The following UNC13B variants were observed in gnomAD, a reference collection of about 807,000 sequenced individuals.
UNC13B encodes unc-13 homolog B.
UNC13B carries 144 observed loss-of-function variants against 211.0 expected under a neutral mutation model. The observed-to-expected ratio is 0.68, with a 90% CI of 0.60 to 0.78. UNC13B has a LOEUF of 0.78. Ranked by LOEUF, UNC13B falls within the 30% of genes least tolerant of loss-of-function variation. UNC13B has a pLI of 0.00. For synonymous variants in UNC13B, 709 were observed against 725.8 expected (o/e 0.98, Z 0.37); for missense variants, 1,777 against 2,002.0 (o/e 0.89, Z 2.14).
intron 6 of UNC13B, among the ~76,000 whole-genome samples, chr9:35,254,744 A>G (rs1826718640): frequency 6.7e-6 from 1 of 150,358 alleles, no homozygotes; most frequent in Admixed American, 6.7e-5. Context: ...ATCAACTCTT[A>G]TTATTAATAG....
chr9:35,225,114 C>G (rs766074831), intron 1 of UNC13B, among the ~76,000 whole-genome samples: 61 of 152,144 alleles, frequency 4.0e-4, no homozygotes, highest in Non-Finnish European at 7.2e-4. Context: ...AGCCTTTCCT[C>G]TAAGAACTGG....
Position 35,237,759 on chromosome 9 carries a change from G to A in UNC13B, c.327G>A (p.Glu109=). 6.2e-7 allele frequency: 1 copy of A among 1,613,994 alleles called. No homozygotes were observed. ...CAGAGACGTTAATGAAAGACGATGA[G>A]ATCTGTGGAACTAGAAACCCAACTC... is the stretch of plus-strand genomic sequence containing the variant. The part of the protein sequence containing the change: ...LEAETLMKDD[E]ICGTRNPTPH... Residue 109 remains glutamate (E), a synonymous_variant, in exon 5 of 40, where the codon GAG becomes GAA. Coordinates refer to ENST00000635942, the MANE Select transcript of UNC13B (RefSeq NM_001371189.2).
intron 1 of UNC13B, among the ~76,000 whole-genome samples, chr9:35,199,040 G>A (rs906379839): frequency 6.6e-6 from 1 of 152,056 alleles, no homozygotes; most frequent in Non-Finnish European, 1.5e-5. Flanking sequence ...GCCCCAGTGT[G>A]TGATGTTCCC....
rs550282450 is a variant in UNC13B at position 35,318,797 on chromosome 9, A to T, written c.9414+4808A>T. Among the ~76,000 whole-genome samples, 6 of 152,320 alleles carry T rather than the reference A, an allele frequency of 3.9e-5. No homozygotes were observed. In the South Asian group the frequency reaches 1.2e-3, roughly 32 times the overall value. ...GTATACCAAGGGGATATGCATTTAT[A>T]ATTTTGATAAATATTGCCAAATTGC... On this transcript the variant is annotated intron_variant, in intron 11 of 39. Coordinates refer to ENST00000635942, the MANE Select transcript of UNC13B (RefSeq NM_001371189.2).
At chr9:35,364,715 G>T in intron 11 of UNC13B, 1 of 979,376 alleles carries the variant, frequency 1.0e-6, no homozygotes, top group Non-Finnish European at 1.4e-6. Context: ...GGCTCATGCA[G>T]TCTATTTTTC....
chr9:35,399,653 A>G lies in UNC13B; in HGVS notation c.12260A>G (p.His4087Arg), dbSNP rs199676393. The change falls in exon 36 of 40, where the codon CAC becomes CGC. Residue 4087 changes from histidine to arginine, a missense_variant. Transcript: ENST00000635942. ...GCTGCTGATTTCTCTGAACAGGATC[A>G]CATGGTACGAGAGGAAACACGGAAT... Reference protein sequence around the residue: ...ELSHLSKLKDHMVREETRNLT... With the variant: ...ELSHLSKLKDRMVREETRNLT... 4.6e-5 allele frequency: 75 copies of G among 1,614,056 alleles called. No homozygotes were observed. Among genetic ancestry groups the G allele is most frequent in the Non-Finnish European group, 8.5e-7 (1 of 1,180,034 alleles).
chr9:35,322,502 C>T (rs1159321205), intron 11 of UNC13B, among the ~76,000 whole-genome samples: 1 of 151,982 alleles, frequency 6.6e-6, no homozygotes, highest in Non-Finnish European at 1.5e-5. Flanking sequence ...GATGAGAAGG[C>T]CTGGGTTTAA....
chr9:35,265,337 C>A (rs932982055), intron 7 of UNC13B, among the ~76,000 whole-genome samples: 2 of 152,210 alleles, frequency 1.3e-5, no homozygotes, highest in African/African-American at 4.8e-5. Flanking sequence ...CTTGCTCTCT[C>A]CACCATGTGA....
At chr9:35,231,582 C>T (rs1825207272) in intron 3 of UNC13B, among the ~76,000 whole-genome samples, 1 of 152,090 alleles carries the variant, frequency 6.6e-6, no homozygotes, top group African/African-American at 2.4e-5. Flanking sequence ...CTTCATCTTT[C>T]TTTGATTCTG....
intron 5 of UNC13B, 52 bp from the exon 6 acceptor site, chr9:35,243,239 T>TTA: frequency 6.4e-7 from 1 of 1,567,634 alleles, no homozygotes; most frequent in Non-Finnish European, 8.8e-7. Flanking sequence ...TGCTGATGAT[T>TTA]TATTACCTGC....
intron 6 of UNC13B, among the ~76,000 whole-genome samples, chr9:35,248,647 T>C (rs1347633409): frequency 6.6e-6 from 1 of 152,234 alleles, no homozygotes; most frequent in Non-Finnish European, 1.5e-5. Flanking sequence ...TTGTTGAGTT[T>C]CCATGTAGTT....
Position 35,295,870 on chromosome 9 carries a change from A to T in UNC13B, c.701A>T (p.Asp234Val), listed in dbSNP as rs776800953. The T allele has an allele frequency of 6.2e-7, 1 of 1,613,520 alleles. No homozygotes were observed. The highest frequency in any genetic ancestry group is 8.5e-7 in the Non-Finnish European group (1 of 1,179,880). Residue 234 changes from aspartate to valine, a missense_variant, in exon 8 of 40, where the codon GAC becomes GTC. By Grantham distance (152) the Asp-to-Val change is radical. Transcript: ENST00000635942. ...CTGCTACTTCAAGGCAGTTCCCGGGACTCTTGTAATGACTCTATGCAAAGT... is the reference window on the plus strand; with the variant it reads ...CTGCTACTTCAAGGCAGTTCCCGGGTCTCTTGTAATGACTCTATGCAAAGT... Reference protein sequence around the residue: ...QQLLLQGSSRDSCNDSMQSYD... With the variant: ...QQLLLQGSSRVSCNDSMQSYD...
At chr9:35,175,833 A>G (rs1373432450) in intron 1 of UNC13B, among the ~76,000 whole-genome samples, 2 of 145,666 alleles carry the variant, frequency 1.4e-5, no homozygotes, top group African/African-American at 5.1e-5. Context: ...TCTGGCCAAC[A>G]TGGTGAAACC....
intron 11 of UNC13B, chr9:35,353,798 G>A (rs1455884809): frequency 1.1e-5 from 13 of 1,231,742 alleles, no homozygotes; most frequent in African/African-American, 1.6e-5. Context: ...CTCAGTAGAA[G>A]ACATACACTC....
At chr9:35,170,276 C>T (rs1254681908) in intron 1 of UNC13B, among the ~76,000 whole-genome samples, 1 of 151,902 alleles carries the variant, frequency 6.6e-6, no homozygotes, top group Non-Finnish European at 1.5e-5. Flanking sequence ...AGCGATTCTC[C>T]TGACTCAGTC....
At chr9:35,242,257 AT>A (rs1288932462) in intron 5 of UNC13B, among the ~76,000 whole-genome samples, 1 of 152,294 alleles carries the variant, frequency 6.6e-6, no homozygotes, top group Middle Eastern at 3.4e-3. Context: ...ACCTGTGAGT[AT>A]TTTTTAATAG....
In UNC13B at chr9:35,301,275, A is replaced by G; in HGVS notation, c.1871A>G (p.Asn624Ser). The G allele has an allele frequency of 2.5e-6, 1 of 398,930 alleles. No homozygotes were observed. Among genetic ancestry groups the G allele is most frequent in the Non-Finnish European group, 4.4e-6 (1 of 225,964 alleles). The allele number at this position is 398,930 out of a possible 1,614,324, so 24.7% of individuals were successfully genotyped here. A position where few individuals can be genotyped will look rare whatever the true frequency, so the allele number is the denominator to read the frequency against. The change falls in exon 9 of 40, where the codon AAT becomes AGT. Residue 624 changes from asparagine to serine, a missense_variant. By Grantham distance (46) the Asn-to-Ser change is conservative. Coordinates refer to ENST00000635942, the MANE Select transcript of UNC13B (RefSeq NM_001371189.2). ...ACCTCTGAAAATGAGCACATGGGTAATAAAACTGGGAGTTTATACTTTCAG... is the reference window on the plus strand; with the variant it reads ...ACCTCTGAAAATGAGCACATGGGTAGTAAAACTGGGAGTTTATACTTTCAG... ...RKTSENEHMG[N>S]KTGSLYFQNT...
At chr9:35,403,378 C>G (rs1242716581) in intron 38 of UNC13B, 62 bp from the exon 39 acceptor site, 11 of 1,604,946 alleles carry the variant, frequency 6.9e-6, no homozygotes, top group African/African-American at 1.3e-5. Flanking sequence ...GGAAGGTCAC[C>G]TGGGGTTCAA....
At chr9:35,340,871 A>G (rs2132010752) in intron 11 of UNC13B, among the ~76,000 whole-genome samples, 1 of 152,340 alleles carries the variant, frequency 6.6e-6, no homozygotes. Flanking sequence ...TTGGCATTTT[A>G]TGCTACAGAG....
Sources: gnomAD v4.1 joint callset for allele counts (sites outside exome capture counted in the v4.1 genomes callset) on GRCh38, gnomAD v4.1.1 for gene constraint, MANE v1.5 for transcripts, NCBI Gene and HGNC (gene_info 2026-07-23, HGNC 2026-07-21) for gene names.